Variants in DPY30 observed in about 807,000 individuals in gnomAD.
DPY30 encodes protein dpy-30 homolog.
A neutral mutation model predicts 16.2 loss-of-function variants in DPY30; 6 were observed. The ratio of observed to expected loss-of-function variants is 0.37; its 90% CI spans 0.20 to 0.73. The LOEUF is 0.73. Ranked by LOEUF, DPY30 falls within the 30% of genes least tolerant of loss-of-function variation. The probability of loss-of-function intolerance (pLI) is 0.51; values close to 1 mark genes in which losing one functional copy is unlikely to be tolerated. For missense variants in DPY30, 73 were observed against 113.1 expected (o/e 0.65, Z 1.61); for synonymous variants, 39 against 38.8 (o/e 1.00, Z -0.02).
intron 3 of DPY30, among the ~76,000 whole-genome samples, chr2:32,037,745 A>G (rs1048064334): frequency 5.3e-5 from 8 of 151,868 alleles, no homozygotes; most frequent in African/African-American, 1.9e-4. Flanking sequence ...TTCAGTAGAG[A>G]CGGAGTTTCA....
rs1012634223 is a variant in DPY30, at chr2:32,016,417, T to C, written n.378-4365A>G. Among the ~76,000 whole-genome samples the C allele has an allele frequency of 5.6e-4, 85 of 152,326 alleles. 1 individual carries two copies. The highest frequency in any genetic ancestry group is 4.1e-3 in the Admixed American group (63 of 15,294). On this transcript the variant is annotated intron_variant and non_coding_transcript_variant, in intron 5 of 5. Transcript: ENST00000414013. ...TGATGATATGTCATCAGGCCTCCAA[T>C]TGGTAATGCCATTTTGGAATCCAGT...
At chr2:32,030,644 A>AAG (rs1675502842) in intron 3 of DPY30, among the ~76,000 whole-genome samples, 1 of 151,578 alleles carries the variant, frequency 6.6e-6, no homozygotes, top group Admixed American at 6.6e-5. Flanking sequence ...AAAAAAAAAA[A>AAG]AAAAATTATC....
intron 5 of DPY30, among the ~76,000 whole-genome samples, chr2:32,013,736 G>A (rs769554604): frequency 2.6e-5 from 4 of 152,228 alleles, no homozygotes; most frequent in Non-Finnish European, 4.4e-5. Flanking sequence ...CAGGCCGGGC[G>A]CGGTGGCTCC....
chr2:32,025,092 T>C (rs1675280382), intron 4 of DPY30, among the ~76,000 whole-genome samples: 1 of 152,226 alleles, frequency 6.6e-6, no homozygotes, highest in South Asian at 2.1e-4. Flanking sequence ...CCCTAAGAGC[T>C]GTCTACAAAT....
chr2:32,017,062 T>C (rs1675079539), intron 5 of DPY30, among the ~76,000 whole-genome samples: 1 of 151,918 alleles, frequency 6.6e-6, no homozygotes, highest in Admixed American at 6.6e-5. Context: ...TTTGTATTTT[T>C]CGTAGAGACA....
intron 3 of DPY30, among the ~76,000 whole-genome samples, chr2:32,038,392 C>T (rs946881049): frequency 6.4e-5 from 7 of 109,910 alleles, no homozygotes; most frequent in African/African-American, 1.9e-4. Context: ...TGAGCCACCG[C>T]GTCCGGCCTT....
At chr2:32,021,665 C>A (rs1214697403), downstream of DPY30, among the ~76,000 whole-genome samples, 1 of 146,126 alleles carries the variant, frequency 6.8e-6, no homozygotes, top group Admixed American at 6.9e-5. Context: ...GGCAACCGAG[C>A]AAGACTCCAT....
downstream of DPY30, among the ~76,000 whole-genome samples, chr2:32,019,923 T>C (rs960508414): frequency 3.4e-5 from 5 of 148,152 alleles, no homozygotes; most frequent in Non-Finnish European, 5.9e-5. Flanking sequence ...AACATATACA[T>C]ATATTTGTAC....
At chr2:32,024,317 A>C in intron 4 of DPY30, 61 bp from the exon 5 acceptor site, 3 of 1,185,930 alleles carry the variant, frequency 2.5e-6, no homozygotes, top group Middle Eastern at 2.1e-4. Context: ...TAATTTAAAC[A>C]TATTGTTCCA....
chr2:32,022,077 G>A (rs991818433), downstream of DPY30, among the ~76,000 whole-genome samples: 1 of 152,072 alleles, frequency 6.6e-6, no homozygotes, highest in Non-Finnish European at 1.5e-5. Context: ...GGGGACAGTG[G>A]CATGCACCTG....
At chr2:32,017,547 G>A (rs1224514332) in intron 5 of DPY30, among the ~76,000 whole-genome samples, 6 of 151,582 alleles carry the variant, frequency 4.0e-5, no homozygotes, top group Non-Finnish European at 5.9e-5. Context: ...CCTGGGAGGC[G>A]GAGGTTGCAG....
intron 3 of DPY30, 65 bp downstream of exon 3, chr2:32,039,214 G>A: frequency 6.3e-7 from 1 of 1,589,380 alleles, no homozygotes; most frequent in Non-Finnish European, 8.6e-7. Context: ...AGTAAAAGCA[G>A]ATCCCAAGTT....
chr2:32,038,135 CTTTT>C (rs35016868), intron 3 of DPY30, among the ~76,000 whole-genome samples: 1 of 108,054 alleles, frequency 9.3e-6, no homozygotes, highest in South Asian at 3.3e-4. Context: ...CATTTTCTTT[CTTTT>C]TTTTTTTTTT....
intron 3 of DPY30, among the ~76,000 whole-genome samples, chr2:32,031,140 C>T (rs1294000632): frequency 6.6e-6 from 1 of 152,046 alleles, no homozygotes. Context: ...AAAAATTTTG[C>T]GGCCAGGCAC....
At chr2:32,012,438 T>C (rs1432007483) in intron 5 of DPY30, among the ~76,000 whole-genome samples, 24 of 133,644 alleles carry the variant, frequency 1.8e-4, no homozygotes, top group Non-Finnish European at 3.1e-4. Flanking sequence ...TTTTTTTTTT[T>C]TTTTTTTTTT....
rs907080071 is a variant in DPY30, at chr2:32,023,982, T to G, written c.*202A>C. ...AATCTGAGAAAAAAATTGCACAGAA[T>G]ACACTCATTAAATAGGTATGGTTTA... On this transcript the variant is annotated 3_prime_UTR_variant, in exon 5 of 5. Coordinates refer to ENST00000342166, the MANE Select transcript of DPY30 (RefSeq NM_001321209.2). 121 of 1,430,454 alleles carry G rather than the reference T, an allele frequency of 8.5e-5. No homozygotes were observed. Among genetic ancestry groups the G allele is most frequent in the Non-Finnish European group, 9.8e-5 (107 of 1,096,894 alleles). 88.6% of individuals were successfully genotyped at this position (1,430,454 alleles called of 1,614,324 possible).
chr2:32,023,703 A>C (rs1428660658), downstream of DPY30: 1 of 1,301,712 alleles, frequency 7.7e-7, no homozygotes, highest in Non-Finnish European at 1.0e-6. Context: ...GCCATTGAAG[A>C]TGCCCAGATC....
Position 32,024,234 on chromosome 2 carries a change from G to C in DPY30, c.250C>G (p.Leu84Val). 6.2e-7 allele frequency: 1 copy of C among 1,612,440 alleles called. No individual in the cohort carries two copies. Among genetic ancestry groups the C allele is most frequent in the East Asian group, 2.2e-5 (1 of 44,746 alleles). ...KERPPNPIEF[L>V]ASYLLKNKAQ... is the part of the protein sequence containing the mutation. ...TTGTTTTTTAAAAGATAAGATGCTA[G>C]AAATTCAATGGGATTTGGTGGTCTG... The change falls in exon 5 of 5, where the codon CTA (leucine) becomes GTA (valine). Residue 84 changes from leucine (L) to valine (V), a missense_variant. By Grantham distance (32) the Leu-to-Val change is conservative (BLOSUM62 1). Coordinates refer to ENST00000342166, the MANE Select transcript of DPY30 (RefSeq NM_001321209.2).
At chr2:32,015,919 G>A (rs1191168007) in intron 5 of DPY30, among the ~76,000 whole-genome samples, 1 of 151,666 alleles carries the variant, frequency 6.6e-6, no homozygotes, top group African/African-American at 2.4e-5. Flanking sequence ...TTGAGACAGA[G>A]TCTTGCTCTG....
Sources: allele counts gnomAD v4.1 joint callset (sites outside exome capture counted in the v4.1 genomes callset), GRCh38; gene constraint gnomAD v4.1.1; transcripts MANE v1.5; gene names NCBI Gene and HGNC (gene_info 2026-07-23, HGNC 2026-07-21).